ANKDD1A: variants seen among roughly 807,000 people sequenced by gnomAD.
ANKDD1A encodes the protein ankyrin repeat and death domain-containing protein 1A.
A neutral mutation model predicts 63.5 loss-of-function variants in ANKDD1A; 59 were observed. The observed-to-expected ratio is 0.93, with a 90% CI of 0.75 to 1.15. ANKDD1A has a LOEUF of 1.15. Ranked by LOEUF, ANKDD1A falls within the 50% of genes most tolerant of loss-of-function variation. The pLI, the probability that ANKDD1A is intolerant of heterozygous loss-of-function variation, is 0.00. For missense variants in ANKDD1A, 632 were observed against 656.4 expected, an observed-to-expected ratio of 0.96 and a Z score of 0.41; for synonymous variants, 266 against 263.9, an observed-to-expected ratio of 1.01 and a Z score of -0.08.
intron 14 of ANKDD1A, among the ~76,000 whole-genome samples, chr15:64,952,768 T>C (rs546757626): frequency 9.2e-6 from 1 of 108,910 alleles, no homozygotes; most frequent in Non-Finnish European, 1.9e-5. Flanking sequence ...TCCTCCTCCT[T>C]TCTTTTCTTC....
chr15:64,929,746 G>T (rs992891713), intron 6 of ANKDD1A, among the ~76,000 whole-genome samples: 12 of 152,170 alleles, frequency 7.9e-5, no homozygotes, highest in Admixed American at 3.9e-4. Context: ...TGTACCCCCG[G>T]CCCTATTCTA....
At chr15:64,954,055 CCTT>C (rs199519422) in intron 14 of ANKDD1A, among the ~76,000 whole-genome samples, 120,621 of 135,260 alleles carry the variant, frequency 0.89, 54,415 homozygotes, top group East Asian at 0.99. Flanking sequence ...CTTCTTTTCT[CCTT>C]CTTCTTTCTT....
At chr15:64,948,865 AAATTGACATTTGCATATC>A (rs947518071) in intron 13 of ANKDD1A, among the ~76,000 whole-genome samples, 3 of 152,168 alleles carry the variant, frequency 2.0e-5, no homozygotes, top group Non-Finnish European at 2.9e-5. Flanking sequence ...AAAAATATGC[AAATTGACATTTGCATATC>A]AATTTGGGAT....
At chr15:64,951,373 CTTTCTTTTT>C (rs2085271492) in intron 14 of ANKDD1A, 1 of 432,808 alleles carries the variant, frequency 2.3e-6, no homozygotes. Context: ...CCTCTTTCTT[CTTTCTTTTT>C]CTTTTCTTCT....
intron 3 of ANKDD1A, among the ~76,000 whole-genome samples, 169 bp from the exon 4 acceptor site, chr15:64,921,751 TA>T (rs57765921): frequency 0.084 from 12,266 of 146,256 alleles, 1,591 homozygotes; most frequent in African/African-American, 0.28. Context: ...AGCCTCTATT[TA>T]AAAAAAAAAA....
At chr15:64,951,746 T>TC (rs1595858624) in intron 14 of ANKDD1A, among the ~76,000 whole-genome samples, 6 of 139,914 alleles carry the variant, frequency 4.3e-5, no homozygotes, top group Admixed American at 1.4e-4. Context: ...TCCTTCTTCC[T>TC]CTTCTTCCTT....
At chr15:64,944,830 C>T (rs111581736) in intron 12 of ANKDD1A, 83 bp downstream of exon 12, 16,545 of 1,390,566 alleles carry the variant, frequency 0.012, 132 homozygotes, top group South Asian at 0.023. Flanking sequence ...GAACCCTAGG[C>T]CTGACCAATT....
At chr15:64,952,692 TTTC>T (rs371676596) in intron 14 of ANKDD1A, among the ~76,000 whole-genome samples, 108 of 130,106 alleles carry the variant, frequency 8.3e-4, no homozygotes, top group African/African-American at 2.5e-3. Context: ...TCCTCTCCTT[TTTC>T]TTCTTAGTTC....
intron 3 of ANKDD1A, among the ~76,000 whole-genome samples, chr15:64,921,460 C>T (rs1268406899): frequency 1.3e-5 from 2 of 152,122 alleles, no homozygotes; most frequent in South Asian, 2.1e-4. Context: ...CTGCAACCTC[C>T]GTCTCCTGGG....
At chr15:64,929,020 CAG>C (rs752438028) in intron 6 of ANKDD1A, among the ~76,000 whole-genome samples, 1 of 152,264 alleles carries the variant, frequency 6.6e-6, no homozygotes, top group Non-Finnish European at 1.5e-5. Context: ...TCTCTGAACA[CAG>C]AGATTTCACG....
At chr15:64,921,868 C>A in intron 3 of ANKDD1A, 53 bp from the exon 4 acceptor site, 2 of 1,528,184 alleles carry the variant, frequency 1.3e-6, no homozygotes, top group Non-Finnish European at 1.8e-6. Context: ...GCCTGGCTGG[C>A]ACAGCCACGC....
Position 64,931,579 on chromosome 15 carries a change from C to G in ANKDD1A, c.762C>G (p.Leu254=). ...GGGCTGGGAGCACCGTGAATGCCCT[C>G]ACCCAGGTAGCCAGGCCCTCCCAAG... ...LLRAGSTVNA[L]TQKNLSCLHY... is the part of the protein sequence containing the mutation. Residue 254 remains leucine (L), a synonymous_variant, in exon 8 of 15, where the codon CTC becomes CTG. Coordinates refer to ENST00000319580, the MANE Select transcript of ANKDD1A (RefSeq NM_182703.6). The G allele has an allele frequency of 6.2e-7, 1 of 1,613,928 alleles. No individual in the cohort carries two copies. The highest frequency in any genetic ancestry group is 1.1e-5 in the South Asian group (1 of 91,086).
chr15:64,941,794 A>G (rs2085186495), intron 9 of ANKDD1A, among the ~76,000 whole-genome samples: 1 of 152,206 alleles, frequency 6.6e-6, no homozygotes, highest in Non-Finnish European at 1.5e-5. Flanking sequence ...AGGGGGCCAC[A>G]GGAGACTATT....
At chr15:64,951,725 TTC>T (rs2085284777) in intron 14 of ANKDD1A, among the ~76,000 whole-genome samples, 3 of 73,342 alleles carry the variant, frequency 4.1e-5, no homozygotes, top group Non-Finnish European at 1.2e-4. Context: ...TTCTTCCCTT[TTC>T]TTCTTTCCTC....
At chr15:64,940,702 T>C (rs1383364543) in intron 9 of ANKDD1A, among the ~76,000 whole-genome samples, 1 of 151,904 alleles carries the variant, frequency 6.6e-6, no homozygotes, top group Admixed American at 6.6e-5. Flanking sequence ...CCTCCCAAAG[T>C]GCTGGGATTA....
chr15:64,944,202 A>G (rs1356244528), intron 11 of ANKDD1A, among the ~76,000 whole-genome samples: 1 of 152,212 alleles, frequency 6.6e-6, no homozygotes, highest in African/African-American at 2.4e-5. Flanking sequence ...GGAGCTTCCC[A>G]TCTCACTGCA....
At chr15:64,926,630 C>T (rs1744196741) in intron 5 of ANKDD1A, among the ~76,000 whole-genome samples, 1 of 151,978 alleles carries the variant, frequency 6.6e-6, no homozygotes. Flanking sequence ...CGATCTCAAC[C>T]CCCATCCTCA....
chr15:64,919,196 C>T (rs550055208), intron 3 of ANKDD1A, among the ~76,000 whole-genome samples: 1 of 152,158 alleles, frequency 6.6e-6, no homozygotes, highest in South Asian at 2.1e-4. Flanking sequence ...CCCGGAGGTC[C>T]CCACTGTCAG....
chr15:64,936,755 G>A (rs1287565310), intron 9 of ANKDD1A, among the ~76,000 whole-genome samples: 3 of 152,052 alleles, frequency 2.0e-5, no homozygotes, highest in East Asian at 3.9e-4. Flanking sequence ...GAAGTTGAAG[G>A]ATCACTTGAG....
Sources: gnomAD v4.1 joint callset for allele counts (sites outside exome capture counted in the v4.1 genomes callset) on GRCh38, gnomAD v4.1.1 for gene constraint, MANE v1.5 for transcripts, NCBI Gene and HGNC (gene_info 2026-07-23, HGNC 2026-07-21) for gene names.